Variants in CDC42BPA observed in about 807,000 individuals in gnomAD.
CDC42BPA encodes CDC42 binding protein kinase alpha.
Under a neutral mutation model 223.5 loss-of-function variants are expected in CDC42BPA, and 80 were observed. The ratio of observed to expected loss-of-function variants is 0.36; its 90% CI spans 0.30 to 0.43. CDC42BPA has a LOEUF of 0.43. Ranked by LOEUF, CDC42BPA falls within the 20% of genes least tolerant of loss-of-function variation. The pLI, the probability that CDC42BPA is intolerant of heterozygous loss-of-function variation, is 1.00. For missense variants in CDC42BPA, 1,743 were observed against 2,099.9 expected (o/e 0.83, Z 3.32); for synonymous variants, 694 against 718.6 (o/e 0.97, Z 0.55).
intron 21 of CDC42BPA, among the ~76,000 whole-genome samples, chr1:227,053,055 A>G (rs1173671568): frequency 6.6e-6 from 1 of 152,210 alleles, no homozygotes; most frequent in African/African-American, 2.4e-5. Flanking sequence ...TTAACTTCAT[A>G]GATTTGTTTT....
intron 1 of CDC42BPA, among the ~76,000 whole-genome samples, chr1:227,294,637 G>A (rs1295359737): frequency 1.4e-5 from 1 of 73,390 alleles, no homozygotes; most frequent in Non-Finnish European, 2.8e-5. Flanking sequence ...GAGGCGGGCG[G>A]ATCACGAGGT....
intron 2 of CDC42BPA, among the ~76,000 whole-genome samples, chr1:227,226,878 G>C (rs907530819): frequency 6.6e-6 from 1 of 152,078 alleles, no homozygotes; most frequent in Non-Finnish European, 1.5e-5. Flanking sequence ...GAAATCTAAG[G>C]ATGAACAGAA....
At chr1:227,303,622 T>C (rs1277953979) in intron 1 of CDC42BPA, among the ~76,000 whole-genome samples, 1 of 152,168 alleles carries the variant, frequency 6.6e-6, no homozygotes, top group Non-Finnish European at 1.5e-5. Flanking sequence ...TTCCTAAAGA[T>C]AGCAATTTCT....
Position 227,010,934 on chromosome 1 carries a change from C to G in CDC42BPA, c.4857+5146G>C, listed in dbSNP as rs1331032056. 2.9e-6 allele frequency: 4 copies of G among 1,365,176 alleles called. No homozygotes were observed. The South Asian group carries it at 3.4e-5, about 12-fold the overall frequency. The allele number at this position is 1,365,176 out of a possible 1,614,324, so 84.6% of individuals were successfully genotyped here. The stretch of plus-strand genomic sequence containing the variant: ...ACAGAGCGCAGAGACGGGGAATATT[C>G]AGGGTTTATGGAATCAGGAGAGAGA... On this transcript the variant is annotated intron_variant, in intron 34 of 36. Transcript: ENST00000366766.
Position 227,028,790 on chromosome 1 carries a change from ATCCATTG to A in CDC42BPA, c.4292_4298del (p.Pro1431LeufsTer36). ...TGGAGATCTCAACTGCGCAGATAGC[ATCCATTG>A]GTTGATGTGCAATAAATGATAGTGT... On this transcript the variant is annotated frameshift_variant, in exon 30 of 37. Transcript: ENST00000366766. LOFTEE classifies it high-confidence loss of function. The A allele has an allele frequency of 6.2e-7, 1 of 1,614,028 alleles. No homozygotes were observed. Among genetic ancestry groups the A allele is most frequent in the Non-Finnish European group, 8.5e-7 (1 of 1,179,854 alleles).
chr1:227,085,472 T>G (rs1175852601), intron 16 of CDC42BPA, among the ~76,000 whole-genome samples: 1 of 152,258 alleles, frequency 6.6e-6, no homozygotes, highest in Non-Finnish European at 1.5e-5. Flanking sequence ...CAACTCTCAA[T>G]TCTAAGCTAT....
chr1:227,222,693 C>T (rs1421930378), intron 2 of CDC42BPA, among the ~76,000 whole-genome samples: 1 of 152,166 alleles, frequency 6.6e-6, no homozygotes, highest in African/African-American at 2.4e-5. Flanking sequence ...AGATCATACC[C>T]TTTTTCTTCT....
rs535876729 is a variant in CDC42BPA, at chr1:227,088,698, A to G, written c.2355+3188T>C. 2.6e-5 allele frequency among the ~76,000 whole-genome samples: 4 copies of G among 152,258 alleles called. No homozygotes were observed. The East Asian group carries it at 7.7e-4, about 29-fold the overall frequency. ...AAAATTTGTTATGAGATTGAAGGAA[A>G]CCAGATGGCTAATTATATTTGCAAT... On this transcript the variant is annotated intron_variant, in intron 16 of 36. Transcript: ENST00000366766.
intron 1 of CDC42BPA, among the ~76,000 whole-genome samples, chr1:227,266,259 T>C (rs1293414717): frequency 1.3e-5 from 2 of 152,228 alleles, no homozygotes; most frequent in African/African-American, 4.8e-5. Context: ...TGAGAGCTTC[T>C]AGGGTCTTTC....
chr1:227,111,481 G>A (rs549377305), intron 14 of CDC42BPA, among the ~76,000 whole-genome samples: 18 of 152,102 alleles, frequency 1.2e-4, no homozygotes, highest in Admixed American at 3.3e-4. Flanking sequence ...GTATAATGAG[G>A]TTAAATGTTG....
chr1:227,164,474 T>C (rs1664663555), intron 5 of CDC42BPA, among the ~76,000 whole-genome samples: 1 of 152,220 alleles, frequency 6.6e-6, no homozygotes, highest in South Asian at 2.1e-4. Context: ...ATCTCATCTA[T>C]AGGCAACATA....
At chr1:227,229,646 T>C (rs1225313414) in intron 2 of CDC42BPA, among the ~76,000 whole-genome samples, 3 of 152,184 alleles carry the variant, frequency 2.0e-5, no homozygotes, top group African/African-American at 7.2e-5. Context: ...ATATGCAATG[T>C]CTTTTCGTTT....
At chr1:227,081,893 T>G (rs565712535) in intron 16 of CDC42BPA, among the ~76,000 whole-genome samples, 1 of 152,214 alleles carries the variant, frequency 6.6e-6, no homozygotes, top group Non-Finnish European at 1.5e-5. Context: ...CACGATAGCA[T>G]CATACTACAA....
At chr1:227,016,049 CT>C in intron 34 of CDC42BPA, 30 bp downstream of exon 34, 3 of 1,231,248 alleles carry the variant, frequency 2.4e-6, no homozygotes, top group Non-Finnish European at 2.4e-6. Flanking sequence ...CACACCCGCC[CT>C]TTTTTACACT....
chr1:227,092,097 C>T (rs759283820), intron 15 of CDC42BPA, 106 bp from the exon 16 acceptor site: 70 of 622,470 alleles, frequency 1.1e-4, no homozygotes, highest in Non-Finnish European at 1.0e-4. Flanking sequence ...TCAGATTGAA[C>T]TGCAGAAATG....
intron 31 of CDC42BPA, among the ~76,000 whole-genome samples, chr1:227,024,094 G>A (rs1667835995): frequency 6.6e-6 from 1 of 152,064 alleles, no homozygotes; most frequent in African/African-American, 2.4e-5. Flanking sequence ...TTATTAGCCA[G>A]TATCCACAAT....
chr1:226,994,837 C>T lies in CDC42BPA; in HGVS notation c.5119G>A (p.Asp1707Asn), dbSNP rs753710619. Residue 1707 changes from aspartate to asparagine, a missense_variant, in exon 36 of 37, where the codon GAC becomes AAC. By Grantham distance (23) the Asp-to-Asn change is conservative. Coordinates refer to ENST00000366766, the MANE Select transcript of CDC42BPA (RefSeq NM_001394014.1). The surrounding 1 kb of genome is among the most constrained non-coding windows in gnomAD (Gnocchi z 4.0). ...TGCCCACTCACCTCTCCGTCAAAGT[C>T]CCTCGCTGGGGCATCACTTCCTTGG... ...MDQGSDAPAR[D>N]FDGEDSDSPR... 6.2e-7 allele frequency: 1 copy of T among 1,612,156 alleles called. No homozygotes were observed. Among genetic ancestry groups the T allele is most frequent in the Admixed American group, 1.7e-5 (1 of 59,778 alleles).
intron 1 of CDC42BPA, among the ~76,000 whole-genome samples, chr1:227,296,807 A>C (rs1355120622): frequency 2.6e-5 from 4 of 151,878 alleles, no homozygotes; most frequent in Non-Finnish European, 5.9e-5. Flanking sequence ...CCAAAAGCAC[A>C]AGAAAAAAAA....
intron 15 of CDC42BPA, among the ~76,000 whole-genome samples, chr1:227,092,311 A>T (rs147808275): frequency 6.6e-6 from 1 of 152,310 alleles, no homozygotes; most frequent in East Asian, 1.9e-4. Context: ...CAGACTGCCA[A>T]TGAAGAGTGA....
Sources: gnomAD v4.1 joint callset for allele counts (sites outside exome capture counted in the v4.1 genomes callset) on GRCh38, gnomAD v4.1.1 for gene constraint, Gnocchi (gnomAD v3.1) non-coding constraint, MANE v1.5 for transcripts, NCBI Gene and HGNC (gene_info 2026-07-23, HGNC 2026-07-21) for gene names.